Variants in MYL6B observed in about 807,000 individuals in gnomAD.
MYL6B encodes the protein myosin light chain 6B, also known as myosin alkali light chain 1 slow a.
Under a neutral mutation model 24.5 loss-of-function variants are expected in MYL6B, and 19 were observed. The observed-to-expected ratio is 0.78, with a 90% CI of 0.54 to 1.14. The LOEUF is 1.14. Among genes scored for constraint, MYL6B ranks in the 50% most tolerant of loss-of-function variants. The pLI, the probability that MYL6B is intolerant of heterozygous loss-of-function variation, is 0.00. For synonymous variants in MYL6B, 90 were observed against 100.7 expected (o/e 0.89, Z 0.64); for missense variants, 230 against 263.8 (o/e 0.87, Z 0.89).
Position 56,157,559 on chromosome 12 carries a change from A to C in MYL6B, c.598+14A>C. On this transcript the variant is annotated intron_variant, in intron 6 of 6. Coordinates refer to ENST00000553066, the Ensembl canonical transcript of MYL6B. ...TCAACTACGAGGGTGAGGGGACAAA[A>C]AAGCGGGAGCGGGGCCGAGGGAGGA... The C allele has an allele frequency of 6.2e-7, 1 of 1,613,610 alleles. No individual in the cohort carries two copies. The highest frequency in any genetic ancestry group is 8.5e-7 in the Non-Finnish European group (1 of 1,179,884).
Position 56,155,811 on chromosome 12 carries a change from C to T in MYL6B, c.520+219C>T, listed in dbSNP as rs943299213. ...GGAGGGCAGAGGAAAAGGGATGAGG[C>T]GGGAAACCTGAATTTTCATTTTGGA... is the stretch of plus-strand genomic sequence containing the variant. On this transcript the variant is annotated intron_variant, in intron 5 of 6. Coordinates refer to ENST00000553066, the Ensembl canonical transcript of MYL6B. The T allele has an allele frequency of 1.4e-5, 20 of 1,459,908 alleles. No homozygotes were observed. The African/African-American group carries it at 1.6e-4, about 11-fold the overall frequency. 90.4% of individuals were successfully genotyped at this position (1,459,908 alleles called of 1,614,324 possible).
Position 56,155,440 on chromosome 12 carries a change from A to G in MYL6B, c.368A>G (p.Asp123Gly), listed in dbSNP as rs1340192812. ...CCAGAGCTGAAGTCGCGGCGTGTGGACTTTGAGACTTTCCTGCCCATGCTC... is the reference window on the plus strand; with the variant it reads ...CCAGAGCTGAAGTCGCGGCGTGTGGGCTTTGAGACTTTCCTGCCCATGCTC... The change falls in exon 5 of 7, where the codon GAC (aspartate) becomes GGC (glycine). Residue 123 changes from aspartate to glycine, a missense_variant. By Grantham distance (94) the Asp-to-Gly change is moderately conservative (BLOSUM62 -1). Transcript: ENST00000553066. 4 of 1,613,950 alleles carry G rather than the reference A, an allele frequency of 2.5e-6. No homozygotes were observed. In the East Asian group the frequency reaches 8.9e-5, roughly 36 times the overall value.
In MYL6B at chr12:56,154,758, G is replaced by A. The variant is rs901546981; in HGVS notation, c.175-55G>A. 10 of 1,582,340 alleles carry A rather than the reference G, an allele frequency of 6.3e-6. No homozygotes were observed. In the Admixed American group the frequency reaches 7.1e-5, roughly 11 times the overall value. On this transcript the variant is annotated intron_variant, in intron 2 of 6. Transcript: ENST00000553066. ...GCTGCCAGTTGGTTGGGAGGAGTGC[G>A]GGAGAGGGATTGAATAAACTCTCAT... is the stretch of plus-strand genomic sequence containing the variant.
rs61598976 is a variant in MYL6B, at chr12:56,155,256, A to G, written c.346+58A>G. Reference sequence around the variant, plus strand: ...TAGTTTTCAAAAGTTGGATGTTGGTAACAAAAAGAATGAGGTGGATCTCAG... The same window carrying G: ...TAGTTTTCAAAAGTTGGATGTTGGTGACAAAAAGAATGAGGTGGATCTCAG... On this transcript the variant is annotated intron_variant, in intron 4 of 6. Coordinates refer to ENST00000553066, the Ensembl canonical transcript of MYL6B. The G allele has an allele frequency of 0.011, 16,918 of 1,558,840 alleles. 1,606 individuals carry two copies. In the African/African-American group the frequency reaches 0.21, roughly 19 times the overall value.
At chr12:56,153,404 G>A (rs1308178567) in intron 1 of MYL6B, 23 of 985,214 alleles carry the variant, frequency 2.3e-5, no homozygotes, top group Non-Finnish European at 2.8e-5. Context: ...ACAAAGCCAT[G>A]GTCAGAAGGG....
Position 56,157,691 on chromosome 12 carries a change from T to C in MYL6B, c.599-7T>C. 6.2e-7 allele frequency: 1 copy of C among 1,613,104 alleles called. No individual in the cohort carries two copies. Among genetic ancestry groups the C allele is most frequent in the South Asian group, 1.1e-5 (1 of 91,082 alleles). ...TCTGAAGCCCCTCTTGCCTCCTCTC[T>C]CTGCAGCCTTCTTGAAACACATCCT... On this transcript the variant is annotated splice_polypyrimidine_tract_variant and splice_region_variant and intron_variant, in intron 6 of 6. Transcript: ENST00000553066.
intron 5 of MYL6B, among the ~76,000 whole-genome samples, chr12:56,156,416 C>T (rs1020823174): frequency 6.7e-6 from 1 of 148,266 alleles, no homozygotes; most frequent in African/African-American, 2.5e-5. Flanking sequence ...ACCAGCCTGG[C>T]CAACATGGTG....
At chr12:56,155,782 A>G (rs1422320478) in intron 5 of MYL6B, 190 bp downstream of exon 5, 26 of 1,514,676 alleles carry the variant, frequency 1.7e-5, no homozygotes, top group Admixed American at 4.2e-5. Context: ...CTAAAGTGCC[A>G]TCCGGAGGGC....
chr12:56,154,815 C>A (rs780210794), exon 3 of MYL6B: 12 of 1,612,870 alleles, frequency 7.4e-6, no homozygotes, highest in Admixed American at 5.0e-5. Context: ...TTCCACAGAT[C>A]GAGTTTAACA....
chr12:56,157,347 C>G (rs1268369879), intron 5 of MYL6B, 121 bp from the exon 6 acceptor site: 3 of 879,366 alleles, frequency 3.4e-6, no homozygotes, highest in African/African-American at 3.4e-5. Context: ...TCGCTCCGCT[C>G]CACTGCACTC....
At chr12:56,157,770 A>G in exon 7 of MYL6B, 4 of 1,604,344 alleles carry the variant, frequency 2.5e-6, no homozygotes, top group Non-Finnish European at 3.4e-6. Context: ...GCGCCTTACG[A>G]GGCAAGTCTC....
intron 5 of MYL6B, chr12:56,155,897 G>T: frequency 7.9e-7 from 1 of 1,263,352 alleles, no homozygotes; most frequent in Non-Finnish European, 1.0e-6. Flanking sequence ...TTGTTTCCTT[G>T]TGGGTCAATA....
chr12:56,155,950 A>G, intron 5 of MYL6B: 2 of 1,191,840 alleles, frequency 1.7e-6, no homozygotes, highest in Non-Finnish European at 2.1e-6. Context: ...AGAGGCATCC[A>G]TGACCAGGGG....
intron 2 of MYL6B, 126 bp downstream of exon 2, chr12:56,154,218 C>T (rs944407190): frequency 6.4e-6 from 6 of 942,750 alleles, no homozygotes; most frequent in Non-Finnish European, 9.4e-6. Context: ...TGGGGCTTTC[C>T]CTTAGTCCCC....
In MYL6B at chr12:56,154,104, G is replaced by C. The variant is rs1242172305; in HGVS notation, c.174+12G>C. 6.2e-7 allele frequency: 1 copy of C among 1,603,928 alleles called. No homozygotes were observed. Among genetic ancestry groups the C allele is most frequent in the Non-Finnish European group, 8.5e-7 (1 of 1,174,662 alleles). On this transcript the variant is annotated intron_variant, in intron 2 of 6. Coordinates refer to ENST00000553066, the Ensembl canonical transcript of MYL6B. ...TCTCCAAAGTGGTGGTGAGTCTCTG[G>C]AAAGTGAAGATAGAATTGGAGGGGG...
chr12:56,154,272 T>C (rs1429527942), intron 2 of MYL6B, among the ~76,000 whole-genome samples, 180 bp downstream of exon 2: 2 of 152,240 alleles, frequency 1.3e-5, no homozygotes, highest in Non-Finnish European at 2.9e-5. Flanking sequence ...TTGTCTTTGC[T>C]GTTCTCTCCC....
intron 2 of MYL6B, 32 bp from the exon 3 acceptor site, chr12:56,154,781 C>G (rs1017377748): frequency 6.2e-7 from 1 of 1,605,932 alleles, no homozygotes; most frequent in African/African-American, 1.3e-5. Context: ...AATAAACTCT[C>G]ATCTCTCCCC....
intron 1 of MYL6B, among the ~76,000 whole-genome samples, chr12:56,153,152 T>G (rs917153761): frequency 6.6e-6 from 1 of 152,134 alleles, no homozygotes; most frequent in Non-Finnish European, 1.5e-5. Context: ...TGAATGACCG[T>G]GGGCTTGTGG....
chr12:56,155,053 A>C lies in MYL6B; in HGVS notation c.203-2A>C. The C allele has an allele frequency of 6.2e-7, 1 of 1,608,682 alleles. No homozygotes were observed. The highest frequency in any genetic ancestry group is 8.5e-7 in the Non-Finnish European group (1 of 1,177,502). ...CTACACTGACCCTTCCTTATACTTT[A>C]GAGTTCAAGGAGGCCTTCGAGCTGT... On this transcript the variant is annotated splice_acceptor_variant, in intron 3 of 6. Transcript: ENST00000553066. LOFTEE classifies it high-confidence loss of function.
Sources: allele counts gnomAD v4.1 joint callset (sites outside exome capture counted in the v4.1 genomes callset), GRCh38; gene constraint gnomAD v4.1.1; transcripts MANE v1.5; gene names NCBI Gene and HGNC (gene_info 2026-07-23, HGNC 2026-07-21).